RNF17: variants seen among roughly 807,000 people sequenced by gnomAD.
RNF17 encodes spermatogenesis associated 23.
RNF17 carries 31 observed loss-of-function variants against 200.5 expected under a neutral mutation model. The ratio of observed to expected loss-of-function variants is 0.15; its 90% CI spans 0.12 to 0.21. The LOEUF is 0.21. Ranked by LOEUF, RNF17 falls within the 10% of genes least tolerant of loss-of-function variation. The pLI, the probability that RNF17 is intolerant of heterozygous loss-of-function variation, is 1.00. For synonymous variants in RNF17, 606 were observed against 637.8 expected (o/e 0.95, Z 0.75); for missense variants, 1,628 against 1,905.1 (o/e 0.85, Z 2.71).
intron 24 of RNF17, among the ~76,000 whole-genome samples, chr13:24,852,563 C>G (rs1447846320): frequency 6.6e-6 from 1 of 152,094 alleles, no homozygotes; most frequent in East Asian, 1.9e-4. Flanking sequence ...TATATCTTAC[C>G]TTCTTTAGAA....
At chr13:24,749,303 C>CTTTCTTTT in the RNF17 span, among the ~76,000 whole-genome samples, 1 of 31,950 alleles carries the variant, frequency 3.1e-5, no homozygotes, top group East Asian at 1.4e-3. Context: ...TTCTTTCTTT[C>CTTTCTTTT]TTTCTTTTTT....
intron 9 of RNF17, among the ~76,000 whole-genome samples, chr13:24,792,273 A>G (rs1027533614): frequency 2.0e-5 from 3 of 152,158 alleles, no homozygotes; most frequent in African/African-American, 7.2e-5. Flanking sequence ...GTTTTTAGGG[A>G]AAGTATTAGT....
intron 6 of RNF17, among the ~76,000 whole-genome samples, chr13:24,782,763 T>C (rs1008185343): frequency 6.6e-6 from 1 of 152,174 alleles, no homozygotes; most frequent in African/African-American, 2.4e-5. Flanking sequence ...TTGAGCCCAA[T>C]TGTTGCTATT....
At chr13:24,829,938 A>G (rs1889202588) in intron 16 of RNF17, among the ~76,000 whole-genome samples, 4 of 152,162 alleles carry the variant, frequency 2.6e-5, no homozygotes, top group Admixed American at 1.3e-4. Context: ...GCCTTGTTTT[A>G]TCACCTATGT....
intron 15 of RNF17, among the ~76,000 whole-genome samples, chr13:24,810,537 CTGCACA>C (rs1032924968): frequency 4.1e-5 from 6 of 146,560 alleles, no homozygotes; most frequent in African/African-American, 1.6e-4. Context: ...ATGTGTGTCT[CTGCACA>C]TGAGATGAGT....
Position 24,861,354 on chromosome 13 carries a change from T to C in RNF17, c.3861T>C (p.Phe1287=). Residue 1287 remains phenylalanine, a synonymous_variant, in exon 27 of 36, where the codon TTT becomes TTC. Transcript: ENST00000255324. ...PILLYPDIPQ[F]CIPCQLHNTT... ...TGCTGTATCCTGATATACCCCAGTT[T>C]TGTATTCCTTGTCAGCTCCATAATA... The C allele has an allele frequency of 6.3e-7, 1 of 1,576,750 alleles. No homozygotes were observed. The highest frequency in any genetic ancestry group is 2.4e-5 in the East Asian group (1 of 42,406).
intron 10 of RNF17, 58 bp from the exon 11 acceptor site, chr13:24,796,079 T>C: frequency 1.5e-6 from 2 of 1,336,292 alleles, no homozygotes; most frequent in Non-Finnish European, 2.1e-6. Flanking sequence ...TTGTTCAGCT[T>C]TCATGAATTA....
At chr13:24,811,954 G>A (rs1429573552) in intron 15 of RNF17, among the ~76,000 whole-genome samples, 8 of 151,944 alleles carry the variant, frequency 5.3e-5, no homozygotes, top group East Asian at 2.0e-4. Flanking sequence ...TAGGCTGCTC[G>A]GGGGTCAGGG....
rs1555262370 is a variant in RNF17 at position 24,764,888 on chromosome 13, G to GGTGTGGGTGTGTGTGT, written c.130+560_130+561insGGTGTGTGTGTGTGTG. Among the ~76,000 whole-genome samples the GGTGTGGGTGTGTGTGT allele has an allele frequency of 9.7e-5, 13 of 134,174 alleles. No individual in the cohort carries two copies. In the East Asian group the frequency reaches 2.4e-3, roughly 25 times the overall value. The allele number at this position is 134,174 out of a possible 152,430, so 88.0% of individuals were successfully genotyped here. On this transcript the variant is annotated intron_variant, in intron 1 of 35. Coordinates refer to ENST00000255324, the MANE Select transcript of RNF17 (RefSeq NM_031277.3). ...ATAGTTTCTTTTGTGCACCTTGTGGGGTGTGTGTGTGTGTGTGTGTGTGTG... is the reference window on the plus strand; with the variant it reads ...ATAGTTTCTTTTGTGCACCTTGTGGGGTGTGGGTGTGTGTGTGTGTGTGTGTGTGTGTGTGTGTGTG...
Position 24,764,888 on chromosome 13 carries a change from G to GGTGTGGGTGTGT in RNF17, c.130+560_130+561insGGTGTGTGTGTG, listed in dbSNP as rs1555262370. Reference sequence around the variant, plus strand: ...ATAGTTTCTTTTGTGCACCTTGTGGGGTGTGTGTGTGTGTGTGTGTGTGTG... The same window carrying GGTGTGGGTGTGT: ...ATAGTTTCTTTTGTGCACCTTGTGGGGTGTGGGTGTGTGTGTGTGTGTGTGTGTGTGTGTGTG... On this transcript the variant is annotated intron_variant, in intron 1 of 35. Transcript: ENST00000255324. Among the ~76,000 whole-genome samples, 80 of 134,170 alleles carry GGTGTGGGTGTGT rather than the reference G, an allele frequency of 6.0e-4. No homozygotes were observed. In the East Asian group the frequency reaches 0.012, roughly 19 times the overall value. The allele number at this position is 134,170 out of a possible 152,430, so 88.0% of individuals were successfully genotyped here.
chr13:24,811,536 C>T (rs1344461988), intron 15 of RNF17, among the ~76,000 whole-genome samples: 2 of 151,780 alleles, frequency 1.3e-5, no homozygotes, highest in African/African-American at 4.8e-5. Context: ...TCTAGTTATA[C>T]ATTCTTCTAA....
Position 24,851,480 on chromosome 13 carries a change from C to T in RNF17, c.3229C>T (p.Pro1077Ser). The T allele has an allele frequency of 6.2e-7, 1 of 1,612,796 alleles. No individual in the cohort carries two copies. The highest frequency in any genetic ancestry group is 1.1e-5 in the South Asian group (1 of 90,740). ...GGAAAACAACACAACATGGCCATTA[C>T]CTGTGAAAATTTTCTGCAGAGATGA... ...SEENNTTWPL[P>S]VKIFCRDEKG... Residue 1077 changes from proline (P) to serine (S), a missense_variant, in exon 24 of 36, where the codon CCT (proline) becomes TCT (serine). This residue lies in a region of RNF17 where 609 missense variants were observed against 681.9 expected (regional missense o/e 0.89). Transcript: ENST00000255324.
chr13:24,761,129 G>A (rs977813872), upstream of RNF17, among the ~76,000 whole-genome samples: 18 of 152,110 alleles, frequency 1.2e-4, no homozygotes, highest in Admixed American at 3.3e-4. Flanking sequence ...GTTGAAATAC[G>A]TCTATTCAAT....
intron 1 of RNF17, among the ~76,000 whole-genome samples, chr13:24,766,171 A>G (rs1295857851): frequency 6.6e-6 from 1 of 152,258 alleles, no homozygotes; most frequent in Non-Finnish European, 1.5e-5. Context: ...CAGAGTTGGC[A>G]GTGAACCGAG....
rs186381690 is a variant in RNF17 at position 24,764,348 on chromosome 13, G to A, written c.130+15G>A. ...CAGATCATCCGGTGAGGAGCCCAAG[G>A]GCCCACCTAGCGGGGAGGCAGCCTG... is the stretch of plus-strand genomic sequence containing the variant. On this transcript the variant is annotated intron_variant, in intron 1 of 35. Coordinates refer to ENST00000255324, the MANE Select transcript of RNF17 (RefSeq NM_031277.3). 36 of 1,577,084 alleles carry A rather than the reference G, an allele frequency of 2.3e-5. No individual in the cohort carries two copies. In the African/African-American group the frequency reaches 3.8e-4, roughly 17 times the overall value.
At chr13:24,881,009 GAGTT>G (rs1257601981), downstream of RNF17, among the ~76,000 whole-genome samples, 1 of 151,942 alleles carries the variant, frequency 6.6e-6, no homozygotes, top group Non-Finnish European at 1.5e-5. Context: ...TTTTTCTATT[GAGTT>G]ATTTGCAATT....
intron 15 of RNF17, among the ~76,000 whole-genome samples, chr13:24,814,650 G>A (rs1011102055): frequency 1.3e-5 from 2 of 152,132 alleles, no homozygotes; most frequent in Non-Finnish European, 2.9e-5. Context: ...GAATGGTCTT[G>A]GCACCCTTGT....
At chr13:24,747,774 C>T in the RNF17 span, among the ~76,000 whole-genome samples, 1 of 152,262 alleles carries the variant, frequency 6.6e-6, no homozygotes. Context: ...CGCAAACGGC[C>T]GGCCTGGCCG....
intron 22 of RNF17, among the ~76,000 whole-genome samples, chr13:24,846,532 G>A (rs1286293956): frequency 6.6e-6 from 1 of 152,136 alleles, no homozygotes; most frequent in Non-Finnish European, 1.5e-5. Flanking sequence ...CTGGCAGATC[G>A]TTTGTTATTG....
Sources: gnomAD v4.1 joint callset for allele counts (sites outside exome capture counted in the v4.1 genomes callset) on GRCh38, gnomAD v4.1.1 for gene constraint, gnomAD v4.1.1 regional missense constraint, MANE v1.5 for transcripts, NCBI Gene and HGNC (gene_info 2026-07-23, HGNC 2026-07-21) for gene names.